The following BMPER variants were observed in gnomAD, a reference collection of about 807,000 sequenced individuals.
The protein encoded by BMPER is BMP binding endothelial regulator.
BMPER carries 45 observed loss-of-function variants against 87.3 expected under a neutral mutation model. The ratio of observed to expected loss-of-function variants is 0.52; its 90% CI spans 0.41 to 0.66. The LOEUF (loss-of-function observed/expected upper bound fraction) is 0.66. BMPER is among the 30% of genes least tolerant of loss of function. The pLI, the probability that BMPER is intolerant of heterozygous loss-of-function variation, is 0.00. For synonymous variants in BMPER, 326 were observed against 316.2 expected, an observed-to-expected ratio of 1.03 and a Z score of -0.33; for missense variants, 784 against 867.5, an observed-to-expected ratio of 0.90 and a Z score of 1.21.
chr7:34,028,619 T>G (rs1457984473), intron 6 of BMPER, among the ~76,000 whole-genome samples: 1 of 138,678 alleles, frequency 7.2e-6, no homozygotes, highest in African/African-American at 2.7e-5. Flanking sequence ...TTTTTTTTTT[T>G]TTTTTTTTTT....
chr7:33,921,850 T>A (rs1156543446), intron 2 of BMPER: 1 of 470,604 alleles, frequency 2.1e-6, no homozygotes, highest in Non-Finnish European at 4.4e-6. Flanking sequence ...GCCAGCTGCA[T>A]CTGGAGGAAC....
chr7:34,058,243 C>A, intron 10 of BMPER, 80 bp downstream of exon 10: 1 of 1,294,318 alleles, frequency 7.7e-7, no homozygotes, highest in East Asian at 2.4e-5. Context: ...TGCCATCTTC[C>A]GAACACAGAC....
intron 6 of BMPER, among the ~76,000 whole-genome samples, chr7:33,995,331 A>G (rs1562677909): frequency 6.6e-6 from 1 of 152,050 alleles, no homozygotes; most frequent in South Asian, 2.1e-4. Flanking sequence ...CACTCATGAG[A>G]TGGATTTGTG....
intron 11 of BMPER, among the ~76,000 whole-genome samples, chr7:34,065,994 A>G (rs566845301): frequency 6.6e-6 from 1 of 152,322 alleles, no homozygotes; most frequent in Non-Finnish European, 1.5e-5. Context: ...TGGTAGTTAA[A>G]TAAGTGTTGC....
At chr7:34,148,841 A>G (rs1462925164) in intron 14 of BMPER, among the ~76,000 whole-genome samples, 2 of 152,214 alleles carry the variant, frequency 1.3e-5, no homozygotes, top group South Asian at 2.1e-4. Flanking sequence ...AATGCTGCTG[A>G]GAAGTTTTTA....
At chr7:34,127,493 C>T (rs1172590587) in intron 13 of BMPER, among the ~76,000 whole-genome samples, 1 of 152,118 alleles carries the variant, frequency 6.6e-6, no homozygotes, top group African/African-American at 2.4e-5. Flanking sequence ...TCAGGGGTCC[C>T]CTCTTCTCCC....
At chr7:34,010,226 T>C (rs1219606026) in intron 6 of BMPER, among the ~76,000 whole-genome samples, 2 of 152,008 alleles carry the variant, frequency 1.3e-5, no homozygotes, top group Non-Finnish European at 2.9e-5. Flanking sequence ...CTATGAAGTC[T>C]TTTCTGGTCA....
chr7:34,137,883 A>G (rs1017374493), intron 13 of BMPER, among the ~76,000 whole-genome samples: 10 of 152,162 alleles, frequency 6.6e-5, no homozygotes, highest in Non-Finnish European at 4.4e-5. Context: ...TTTTTTTTGT[A>G]GGTGCCCAAT....
At chr7:34,053,100 C>A (rs1312802012) in intron 8 of BMPER, among the ~76,000 whole-genome samples, 1 of 152,064 alleles carries the variant, frequency 6.6e-6, no homozygotes, top group East Asian at 1.9e-4. Context: ...GCCTGGCATC[C>A]CATGAATGGG....
At position 33,999,654 on chromosome 7, in the gene BMPER, A is replaced by G. The variant is rs1271498350; in HGVS notation, c.576+24870A>G. On this transcript the variant is annotated intron_variant, in intron 6 of 14. Transcript: ENST00000649409. ...GTCCACAGCTGATAATCTAGATAAGAGGGTATCCAGCCTGTTGGCTGCTCA... is the reference window on the plus strand; with the variant it reads ...GTCCACAGCTGATAATCTAGATAAGGGGGTATCCAGCCTGTTGGCTGCTCA... Among the ~76,000 whole-genome samples the G allele has an allele frequency of 2.6e-5, 4 of 152,278 alleles. No homozygotes were observed. The East Asian group carries it at 5.8e-4, about 22-fold the overall frequency.
intron 6 of BMPER, among the ~76,000 whole-genome samples, chr7:33,977,590 C>T (rs1354670158): frequency 2.6e-5 from 4 of 152,006 alleles, no homozygotes; most frequent in Non-Finnish European, 5.9e-5. Context: ...CTGCAGCTTC[C>T]CCTGTACAAA....
At chr7:33,913,434 C>T (rs1011681054) in intron 2 of BMPER, among the ~76,000 whole-genome samples, 24 of 127,908 alleles carry the variant, frequency 1.9e-4, no homozygotes, top group African/African-American at 2.3e-4. Flanking sequence ...AGCTTTTGTA[C>T]GGGATATACA....
intron 6 of BMPER, among the ~76,000 whole-genome samples, chr7:33,984,778 A>T (rs1050361203): frequency 6.6e-6 from 1 of 152,232 alleles, no homozygotes; most frequent in African/African-American, 2.4e-5. Context: ...ACTTCGTTGT[A>T]TCCTAGAAAA....
At chr7:33,906,760 T>C in intron 1 of BMPER, 58 bp from the exon 2 acceptor site, 1 of 1,493,668 alleles carries the variant, frequency 6.7e-7, no homozygotes, top group Non-Finnish European at 9.3e-7. Context: ...ATTTTAAATG[T>C]TGAAATCATG....
intron 13 of BMPER, among the ~76,000 whole-genome samples, chr7:34,132,844 C>A (rs187081112): frequency 6.6e-6 from 1 of 152,272 alleles, no homozygotes; most frequent in East Asian, 1.9e-4. Flanking sequence ...TGGCAACACG[C>A]TGATACTTTT....
chr7:34,013,085 G>T (rs1015424101), intron 6 of BMPER, among the ~76,000 whole-genome samples: 1 of 151,690 alleles, frequency 6.6e-6, no homozygotes, highest in Non-Finnish European at 1.5e-5. Context: ...AAACTTGCAC[G>T]CAGAACATTG....
At chr7:34,024,372 AAAAAAAAAAACAATATATATATATATAT>A (rs1192279159) in intron 6 of BMPER, among the ~76,000 whole-genome samples, 16 of 102,994 alleles carry the variant, frequency 1.6e-4, no homozygotes, top group African/African-American at 7.0e-4. Flanking sequence ...AAAAAAAAAA[AAAAAAAAAAACAATATATATATATATAT>A]ATATATATAT....
Position 33,905,650 on chromosome 7 carries a change from C to T in BMPER, c.37C>T (p.Arg13Cys), listed in dbSNP as rs768012620. Residue 13 changes from arginine to cysteine, a missense_variant, in exon 1 of 15, where the codon CGT becomes TGT. Transcript: ENST00000649409. ...CTCCGGCGTCGGGGCTCTGGCTGAG[C>T]GTTACTGCCGCCGCTCGCCTGGGAT... is the stretch of plus-strand genomic sequence containing the variant. ...WFSGVGALAE[R>C]YCRRSPGITC... is the part of the protein sequence containing the mutation. 1 of 1,613,150 alleles carries T rather than the reference C, an allele frequency of 6.2e-7. No homozygotes were observed. The highest frequency in any genetic ancestry group is 1.7e-5 in the Admixed American group (1 of 60,006).
chr7:34,056,649 G>A lies in BMPER; in HGVS notation c.927+1346G>A, dbSNP rs111277919. On this transcript the variant is annotated intron_variant, in intron 9 of 14. Coordinates refer to ENST00000649409, the MANE Select transcript of BMPER (RefSeq NM_001365308.1). The stretch of plus-strand genomic sequence containing the variant: ...TTTTTTTTTTTTTAGATGGAGTCTC[G>A]CTCTGTCGCCCAGGCTGGAGTGCAG... Among the ~76,000 whole-genome samples, 524 of 144,386 alleles carry A rather than the reference G, an allele frequency of 3.6e-3. 3 individuals carry two copies. The highest frequency in any genetic ancestry group is 0.013 in the African/African-American group (500 of 38,700). The allele number at this position is 144,386 out of a possible 152,430, so 94.7% of individuals were successfully genotyped here. A position where few individuals can be genotyped will look rare whatever the true frequency, so the allele number is the denominator to read the frequency against.
Sources: gnomAD v4.1 joint callset for allele counts (sites outside exome capture counted in the v4.1 genomes callset) on GRCh38, gnomAD v4.1.1 for gene constraint, MANE v1.5 for transcripts, NCBI Gene and HGNC (gene_info 2026-07-23, HGNC 2026-07-21) for gene names.